SEMA3A: variants seen among roughly 807,000 people sequenced by gnomAD.
SEMA3A encodes semaphorin 3A, also known as semaphorin-3A.
In SEMA3A, 29 loss-of-function variants were observed where a neutral mutation model predicts 97.9. That is an observed-to-expected ratio of 0.30 (90% CI 0.22 to 0.40). The LOEUF is 0.40. Among genes scored for constraint, SEMA3A ranks in the 10% least tolerant of loss-of-function variants. SEMA3A has a pLI of 1.00. For synonymous variants in SEMA3A, 321 were observed against 323.7 expected (o/e 0.99, Z 0.09); for missense variants, 763 against 951.3 (o/e 0.80, Z 2.60).
chr7:84,130,128 T>C (rs1239661260), intron 2 of SEMA3A, among the ~76,000 whole-genome samples: 2 of 152,046 alleles, frequency 1.3e-5, no homozygotes, highest in Non-Finnish European at 2.9e-5. Context: ...AGTAATATTA[T>C]GAATAGTTAA....
Position 84,448,349 on chromosome 7 carries a change from G to T in SEMA3A, c.-246+44111C>A, listed in dbSNP as rs10229957. ...AAGAAATAAAATCCAAGTTGAAAAA[G>T]AAGTTGTTAAAATCATCTCTGTTTG... On this transcript the variant is annotated intron_variant, in intron 1 of 3. Coordinates refer to the SEMA3A transcript ENST00000424555. Among the ~76,000 whole-genome samples, 136 of 152,272 alleles carry T rather than the reference G, an allele frequency of 8.9e-4. 1 individual carries two copies. The highest frequency in any genetic ancestry group is 3.1e-3 in the African/African-American group (127 of 41,548).
chr7:84,443,943 G>C (rs1428651799), intron 1 of SEMA3A, among the ~76,000 whole-genome samples: 3 of 138,182 alleles, frequency 2.2e-5, no homozygotes, highest in Non-Finnish European at 4.6e-5. Context: ...CTGGAATGCA[G>C]TGGTGTGATC....
intron 3 of SEMA3A, among the ~76,000 whole-genome samples, chr7:84,112,469 T>C (rs917810012): frequency 6.6e-6 from 1 of 152,184 alleles, no homozygotes; most frequent in Non-Finnish European, 1.5e-5. Context: ...GTCCTGTCAG[T>C]ATCACCTAAG....
chr7:84,304,513 T>C (rs535020923), intron 3 of SEMA3A, among the ~76,000 whole-genome samples: 1 of 152,014 alleles, frequency 6.6e-6, no homozygotes, highest in Non-Finnish European at 1.5e-5. Flanking sequence ...GAATATACTT[T>C]CAAAACTAAC....
intron 2 of SEMA3A, among the ~76,000 whole-genome samples, chr7:84,363,375 TC>T (rs1802769933): frequency 6.6e-6 from 1 of 151,876 alleles, no homozygotes; most frequent in Non-Finnish European, 1.5e-5. Flanking sequence ...TCTCGGACAT[TC>T]GAAAATATAT....
intron 1 of SEMA3A, among the ~76,000 whole-genome samples, chr7:84,413,981 T>C (rs1379708017): frequency 6.6e-6 from 1 of 152,098 alleles, no homozygotes; most frequent in Non-Finnish European, 1.5e-5. Flanking sequence ...ATTCCAAATT[T>C]AGAAGACAGA....
intron 1 of SEMA3A, among the ~76,000 whole-genome samples, chr7:84,393,787 T>C (rs902134102): frequency 5.3e-5 from 8 of 152,118 alleles, no homozygotes; most frequent in African/African-American, 1.9e-4. Flanking sequence ...AAGAGGTGTG[T>C]ATCTTCCATG....
Position 84,083,972 on chromosome 7 carries a change from C to G in SEMA3A, c.454-23414G>C, listed in dbSNP as rs143807721. On this transcript the variant is annotated intron_variant, in intron 4 of 16. Coordinates refer to ENST00000265362, the MANE Select transcript of SEMA3A (RefSeq NM_006080.3). The stretch of plus-strand genomic sequence containing the variant: ...TCCATTCACAATAACAGCTAAATCT[C>G]AAGTGTCACTACTAATTATATTATG... 2.6e-5 allele frequency among the ~76,000 whole-genome samples: 4 copies of G among 152,100 alleles called. No homozygotes were observed. In the East Asian group the frequency reaches 7.7e-4, roughly 29 times the overall value.
At chr7:84,434,214 T>C (rs950345609) in intron 1 of SEMA3A, among the ~76,000 whole-genome samples, 8 of 152,146 alleles carry the variant, frequency 5.3e-5, no homozygotes, top group Non-Finnish European at 1.0e-4. Context: ...GTTTGTCTTC[T>C]TTTGAGAAGT....
At chr7:84,483,319 A>G (rs560464739) in intron 1 of SEMA3A, among the ~76,000 whole-genome samples, 1 of 152,290 alleles carries the variant, frequency 6.6e-6, no homozygotes, top group South Asian at 2.1e-4. Flanking sequence ...TATAGGAAAA[A>G]TGACCCTTAA....
intron 1 of SEMA3A, among the ~76,000 whole-genome samples, chr7:84,161,154 A>G (rs1797021485): frequency 6.6e-6 from 1 of 152,104 alleles, no homozygotes. Context: ...TCACGAGGTC[A>G]GGAGATGGAG....
chr7:84,152,744 G>A (rs947294332), intron 1 of SEMA3A, among the ~76,000 whole-genome samples: 19 of 151,978 alleles, frequency 1.3e-4, no homozygotes, highest in Non-Finnish European at 2.2e-4. Context: ...GTACTTGGCT[G>A]TGTCTCTAAG....
intron 4 of SEMA3A, among the ~76,000 whole-genome samples, chr7:84,061,699 T>C (rs202011410): frequency 2.0e-5 from 3 of 152,188 alleles, no homozygotes; most frequent in African/African-American, 7.2e-5. Flanking sequence ...AATGGCAGGG[T>C]TTCAAATTAT....
rs1048808623 is a variant in SEMA3A at position 84,160,714 on chromosome 7, CTAA to C, written c.113-25766_113-25764del. ...CCAACATGGTGAAACCCTGTCTCTA[CTAA>C]TAATACAAAAAAATTACTTGGGGGT... On this transcript the variant is annotated intron_variant, in intron 1 of 16. Coordinates refer to ENST00000265362, the MANE Select transcript of SEMA3A (RefSeq NM_006080.3). Among the ~76,000 whole-genome samples the C allele has an allele frequency of 1.5e-4, 23 of 151,902 alleles. 1 individual carries two copies. The highest frequency in any genetic ancestry group is 1.3e-3 in the Admixed American group (20 of 15,254).
chr7:84,195,252 GGCGTGCCTGTGAAA>G (rs1430639966), upstream of SEMA3A: 2 of 152,118 alleles, frequency 1.3e-5, no homozygotes, highest in Non-Finnish European at 2.9e-5. Flanking sequence ...AGAACCCTCA[GGCGTGCCTGTGAAA>G]GGCATGTAGC....
chr7:84,437,829 T>G (rs944154205), intron 1 of SEMA3A, among the ~76,000 whole-genome samples: 1 of 152,068 alleles, frequency 6.6e-6, no homozygotes, highest in East Asian at 1.9e-4. Flanking sequence ...AGTATATAGA[T>G]GCTGTTTTTC....
At chr7:84,138,171 T>C (rs1392043045) in intron 1 of SEMA3A, among the ~76,000 whole-genome samples, 4 of 152,180 alleles carry the variant, frequency 2.6e-5, no homozygotes, top group Non-Finnish European at 5.9e-5. Flanking sequence ...CTTGACCAGA[T>C]GTAGCAAATT....
chr7:84,012,170 T>C (rs1286273047), intron 7 of SEMA3A, among the ~76,000 whole-genome samples: 2 of 152,162 alleles, frequency 1.3e-5, no homozygotes, highest in East Asian at 3.8e-4. Context: ...ACCATGACTT[T>C]AATTAATAAA....
At chr7:84,125,282 A>G (rs1343137132) in intron 3 of SEMA3A, among the ~76,000 whole-genome samples, 1 of 152,154 alleles carries the variant, frequency 6.6e-6, no homozygotes, top group Non-Finnish European at 1.5e-5. Context: ...AATGATTTAT[A>G]TTTTTTCAGA....
Sources: gnomAD v4.1 joint callset for allele counts (sites outside exome capture counted in the v4.1 genomes callset) on GRCh38, gnomAD v4.1.1 for gene constraint, MANE v1.5 for transcripts, NCBI Gene and HGNC (gene_info 2026-07-23, HGNC 2026-07-21) for gene names.